THSD4: variants seen among roughly 807,000 people sequenced by gnomAD.
The protein encoded by THSD4 is thrombospondin type 1 domain containing 4, also known as thrombospondin type-1 domain-containing protein 4.
A neutral mutation model predicts 119.0 loss-of-function variants in THSD4; 69 were observed. The ratio of observed to expected loss-of-function variants is 0.58; its 90% CI spans 0.48 to 0.71. The LOEUF (loss-of-function observed/expected upper bound fraction) is 0.71, where lower values mean the gene tolerates loss of function less well. Ranked by LOEUF, THSD4 falls within the 30% of genes least tolerant of loss-of-function variation. THSD4 has a pLI of 0.00. For synonymous variants in THSD4, 524 were observed against 540.4 expected (o/e 0.97, Z 0.42); for missense variants, 1,393 against 1,391.1 (o/e 1.00, Z -0.02).
intron 7 of THSD4, among the ~76,000 whole-genome samples, chr15:71,608,048 C>A (rs2050143114): frequency 6.6e-6 from 1 of 151,712 alleles, no homozygotes; most frequent in Non-Finnish European, 1.5e-5. Flanking sequence ...GTGGTGAAAC[C>A]CTGTCTCTAC....
At chr15:71,586,760 G>A (rs369779043) in intron 7 of THSD4, among the ~76,000 whole-genome samples, 2 of 152,296 alleles carry the variant, frequency 1.3e-5, no homozygotes, top group East Asian at 3.9e-4. Flanking sequence ...ATTATCCAGG[G>A]TATGCAGTAC....
chr15:71,477,276 A>G (rs2047667577), intron 7 of THSD4, among the ~76,000 whole-genome samples: 1 of 152,160 alleles, frequency 6.6e-6, no homozygotes, highest in Admixed American at 6.5e-5. Context: ...TTAATGTGAA[A>G]TCAAATGAGA....
chr15:71,456,274 T>A lies in THSD4; in HGVS notation c.1152+44451T>A, dbSNP rs563089091. 3.3e-5 allele frequency among the ~76,000 whole-genome samples: 5 copies of A among 152,350 alleles called. No homozygotes were observed. The South Asian group carries it at 1.0e-3, about 32-fold the overall frequency. On this transcript the variant is annotated intron_variant, in intron 7 of 17. Transcript: ENST00000261862. ...TGTGTACTCCCTTCACCTCACAGTTTAAGGCAAAGTAATGCATTTCTTTTT... is the reference window on the plus strand; with the variant it reads ...TGTGTACTCCCTTCACCTCACAGTTAAAGGCAAAGTAATGCATTTCTTTTT...
At chr15:71,470,095 TA>T (rs2087162506) in intron 7 of THSD4, among the ~76,000 whole-genome samples, 1 of 152,218 alleles carries the variant, frequency 6.6e-6, no homozygotes, top group Non-Finnish European at 1.5e-5. Context: ...GCAATAAGTA[TA>T]AGAGGTTCCC....
At chr15:71,250,106 G>A (rs999179385) in intron 5 of THSD4, among the ~76,000 whole-genome samples, 4 of 151,944 alleles carry the variant, frequency 2.6e-5, no homozygotes, top group African/African-American at 9.7e-5. Context: ...CATTTTTCTC[G>A]TGTTGGGCTA....
chr15:71,603,239 G>A (rs540830514), intron 7 of THSD4, among the ~76,000 whole-genome samples: 1 of 152,322 alleles, frequency 6.6e-6, no homozygotes, highest in East Asian at 1.9e-4. Flanking sequence ...ATTGAAGGGT[G>A]AGGGGAATGG....
chr15:71,556,204 TGA>T (rs1485046394), intron 7 of THSD4, among the ~76,000 whole-genome samples: 1 of 152,196 alleles, frequency 6.6e-6, no homozygotes, highest in Non-Finnish European at 1.5e-5. Flanking sequence ...AGTATTGTAT[TGA>T]GTCTATAGAT....
intron 7 of THSD4, among the ~76,000 whole-genome samples, chr15:71,544,112 A>G (rs1338036776): frequency 7.2e-5 from 11 of 152,178 alleles, no homozygotes; most frequent in Admixed American, 7.2e-4. Flanking sequence ...AAGGGCAGAT[A>G]GAGAGGAGAC....
intron 6 of THSD4, among the ~76,000 whole-genome samples, chr15:71,284,563 C>T (rs775199873): frequency 2.0e-5 from 3 of 152,146 alleles, no homozygotes; most frequent in Admixed American, 1.3e-4. Context: ...ATTTCAGTAA[C>T]GACAACTGTT....
chr15:71,168,714 C>A (rs561482341), intron 3 of THSD4, among the ~76,000 whole-genome samples: 2 of 152,304 alleles, frequency 1.3e-5, no homozygotes, highest in Non-Finnish European at 2.9e-5. Flanking sequence ...GTAGGATGTG[C>A]AACCAGTGAC....
At chr15:71,480,762 G>T (rs753280349) in intron 7 of THSD4, among the ~76,000 whole-genome samples, 24 of 152,222 alleles carry the variant, frequency 1.6e-4, no homozygotes, top group Non-Finnish European at 2.5e-4. Context: ...ATTGGCCAAA[G>T]TAAGTCACGT....
At chr15:71,372,842 C>T (rs554264562) in intron 6 of THSD4, among the ~76,000 whole-genome samples, 20 of 152,326 alleles carry the variant, frequency 1.3e-4, no homozygotes, top group African/African-American at 3.6e-4. Context: ...AGGTTTCTGC[C>T]GCCTTTTGTT....
intron 1 of THSD4, among the ~76,000 whole-genome samples, chr15:71,128,186 C>T (rs1405423742): frequency 2.0e-5 from 3 of 151,540 alleles, no homozygotes; most frequent in African/African-American, 7.3e-5. Context: ...AATTACCCAA[C>T]CTGAGCAACA....
Position 71,781,145 on chromosome 15 carries a change from T to C in THSD4, c.*3771T>C, listed in dbSNP as rs75460440. ...TTAATATGGTTTACATGGGAAAATA[T>C]CGATGGCTTCCTCACAAAATGTATG... On this transcript the variant is annotated 3_prime_UTR_variant, in exon 18 of 18. Coordinates refer to ENST00000261862, the MANE Select transcript of THSD4 (RefSeq NM_024817.3). 0.015 allele frequency: 2,657 copies of C among 182,122 alleles called. 79 individuals are homozygous for C. The highest frequency in any genetic ancestry group is 0.058 in the African/African-American group (2,507 of 42,882). 11.3% of individuals were successfully genotyped at this position (182,122 alleles called of 1,614,324 possible).
intron 7 of THSD4, among the ~76,000 whole-genome samples, chr15:71,617,438 C>T (rs1413995583): frequency 6.6e-6 from 1 of 152,104 alleles, no homozygotes; most frequent in Non-Finnish European, 1.5e-5. Flanking sequence ...CCCTTCATCT[C>T]AGTTTCCTCT....
Position 71,230,044 on chromosome 15 carries a change from C to T in THSD4, c.465-12605C>T, listed in dbSNP as rs142573938. ...ATTGCTGTAGTATTAATGTATTCAG[C>T]AGAACTTACTGCTGAAAATAGTTCT... On this transcript the variant is annotated intron_variant, in intron 4 of 17. Coordinates refer to ENST00000261862, the MANE Select transcript of THSD4 (RefSeq NM_024817.3). Among the ~76,000 whole-genome samples the T allele has an allele frequency of 2.8e-3, 422 of 152,288 alleles. 3 individuals carry two copies. The highest frequency in any genetic ancestry group is 0.016 in the South Asian group (78 of 4,822).
At chr15:71,754,573 A>T (rs1294900160) in intron 14 of THSD4, among the ~76,000 whole-genome samples, 2 of 152,228 alleles carry the variant, frequency 1.3e-5, no homozygotes, top group African/African-American at 4.8e-5. Context: ...CAGATTTCTA[A>T]TAGCAATCTA....
chr15:71,728,440 T>G, intron 8 of THSD4, 109 bp from the exon 9 acceptor site: 1 of 1,325,538 alleles, frequency 7.5e-7, no homozygotes. Flanking sequence ...ACATAGTGGA[T>G]CCTGTCAAAA....
At chr15:71,112,121 A>C, upstream of THSD4, 3 of 1,613,544 alleles carry the variant, frequency 1.9e-6, no homozygotes, top group Non-Finnish European at 2.5e-6. Context: ...TGAGCCATTC[A>C]TTCCTCAGAG....
Sources: gnomAD v4.1 joint callset for allele counts (sites outside exome capture counted in the v4.1 genomes callset) on GRCh38, gnomAD v4.1.1 for gene constraint, MANE v1.5 for transcripts, NCBI Gene and HGNC (gene_info 2026-07-23, HGNC 2026-07-21) for gene names.